The following COL11A1 variants were observed in gnomAD, a reference collection of about 807,000 sequenced individuals.
The protein encoded by COL11A1 is collagen type XI alpha 1 chain.
Under a neutral mutation model 265.2 loss-of-function variants are expected in COL11A1, and 74 were observed. That is an observed-to-expected ratio of 0.28 (90% CI 0.23 to 0.34). COL11A1 has a LOEUF of 0.34. Among genes scored for constraint, COL11A1 ranks in the 10% least tolerant of loss-of-function variants. The pLI is 1.00. For synonymous variants in COL11A1, 816 were observed against 727.6 expected (o/e 1.12, Z -1.96); for missense variants, 2,165 against 2,263.6 (o/e 0.96, Z 0.88).
chr1:103,025,742 A>G, intron 6 of COL11A1, 129 bp from the exon 7 acceptor site: 1 of 1,600,380 alleles, frequency 6.2e-7, no homozygotes, highest in Non-Finnish European at 8.6e-7. Context: ...ACTATGATTC[A>G]TGATCAGAGA....
intron 4 of COL11A1, among the ~76,000 whole-genome samples, chr1:103,039,180 A>T (rs754351854): frequency 2.0e-5 from 3 of 152,208 alleles, no homozygotes; most frequent in Non-Finnish European, 4.4e-5. Context: ...CCTGCAGACT[A>T]TCAGACTGCA....
intron 1 of COL11A1, among the ~76,000 whole-genome samples, chr1:103,089,306 TAGG>T (rs1174066904): frequency 2.0e-5 from 3 of 152,204 alleles, no homozygotes; most frequent in Admixed American, 6.5e-5. Flanking sequence ...TGACTTATTC[TAGG>T]AGATTTATTC....
At chr1:103,000,627 G>A (rs1665017005) in intron 24 of COL11A1, among the ~76,000 whole-genome samples, 1 of 151,876 alleles carries the variant, frequency 6.6e-6, no homozygotes, top group African/African-American at 2.4e-5. Flanking sequence ...GTGAGAATGT[G>A]CAGAAATGAC....
chr1:103,093,499 G>A (rs1673491974), intron 1 of COL11A1, among the ~76,000 whole-genome samples: 1 of 152,074 alleles, frequency 6.6e-6, no homozygotes, highest in South Asian at 2.1e-4. Context: ...AGGATTTAAG[G>A]TAAGAAGAAA....
chr1:103,028,896 A>G (rs1182786432), intron 5 of COL11A1, among the ~76,000 whole-genome samples: 2 of 152,146 alleles, frequency 1.3e-5, no homozygotes, highest in Non-Finnish European at 2.9e-5. Context: ...CTAATTTTTT[A>G]TAAGATAGGA....
chr1:102,924,036 C>T (rs1457001465), intron 46 of COL11A1, among the ~76,000 whole-genome samples: 3 of 145,174 alleles, frequency 2.1e-5, no homozygotes, highest in Non-Finnish European at 3.0e-5. Flanking sequence ...GGTGAAACCC[C>T]GTCTCAACTA....
rs115567435 is a variant in COL11A1 at position 102,936,749 on chromosome 1, G to A, written c.3439-1636C>T. 6.8e-3 allele frequency among the ~76,000 whole-genome samples: 1,034 copies of A among 152,240 alleles called. 3 individuals carry two copies. Among genetic ancestry groups the A allele is most frequent in the Non-Finnish European group, 0.01 (695 of 67,990 alleles). On this transcript the variant is annotated intron_variant, in intron 44 of 66. Coordinates refer to ENST00000370096, the MANE Select transcript of COL11A1 (RefSeq NM_001854.4). Reference sequence around the variant, plus strand: ...CATAGTCATCAACGTGCAAGATAGAGCAGTGGAATATAATGTAATAGCACA... The same window carrying A: ...CATAGTCATCAACGTGCAAGATAGAACAGTGGAATATAATGTAATAGCACA...
intron 53 of COL11A1, among the ~76,000 whole-genome samples, chr1:102,912,719 G>T (rs1424781339): frequency 6.6e-6 from 1 of 152,072 alleles, no homozygotes; most frequent in Non-Finnish European, 1.5e-5. Context: ...TCCTGAGAGG[G>T]ACCCAGTGGG....
At chr1:102,952,915 A>G (rs1242473776) in intron 41 of COL11A1, among the ~76,000 whole-genome samples, 1 of 152,206 alleles carries the variant, frequency 6.6e-6, no homozygotes, top group Non-Finnish European at 1.5e-5. Flanking sequence ...TTTAAGCCCA[A>G]TATGAAAAGA....
intron 54 of COL11A1, among the ~76,000 whole-genome samples, chr1:102,910,870 C>T (rs1654589412): frequency 6.7e-6 from 1 of 150,268 alleles, no homozygotes; most frequent in Admixed American, 6.6e-5. Flanking sequence ...CCATCTGAGG[C>T]CAGAAAAAAG....
At position 103,017,817 on chromosome 1, in the gene COL11A1, T is replaced by C; in HGVS notation, c.1413+3A>G. 6.2e-6 allele frequency: 10 copies of C among 1,610,996 alleles called. No homozygotes were observed. Among genetic ancestry groups the C allele is most frequent in the Non-Finnish European group, 8.5e-6 (10 of 1,177,254 alleles). ...TAATGAGATATCATGTCCATTCACT[T>C]ACCCTATCGCCAGGGTCACCAGGGG... On this transcript the variant is annotated splice_donor_region_variant and intron_variant, in intron 11 of 66. Transcript: ENST00000370096.
At chr1:102,912,840 T>C (rs1377938727) in intron 53 of COL11A1, among the ~76,000 whole-genome samples, 2 of 152,162 alleles carry the variant, frequency 1.3e-5, no homozygotes, top group East Asian at 3.9e-4. Flanking sequence ...CACTTTGCAC[T>C]CCTCTCTCCT....
intron 59 of COL11A1, 96 bp downstream of exon 59, chr1:102,889,359 C>A (rs955401830): frequency 6.1e-5 from 54 of 884,022 alleles, no homozygotes; most frequent in Non-Finnish European, 7.5e-5. Context: ...ACTCTAAATT[C>A]TTTCTTTGAT....
In COL11A1 at chr1:102,898,928, ATT is replaced by A. The variant is rs201645288; in HGVS notation, c.4140+11_4140+12del. 6.9e-5 allele frequency: 86 copies of A among 1,252,826 alleles called. No individual in the cohort carries two copies. Among genetic ancestry groups the A allele is most frequent in the South Asian group, 2.1e-4 (13 of 62,808 alleles). The allele number at this position is 1,252,826 out of a possible 1,614,324, so 77.6% of individuals were successfully genotyped here. ...ATATAATATATATTATGTATATATT[ATT>A]TTTTTTTTACCTTAGCACCTTTTTC... On this transcript the variant is annotated intron_variant, in intron 55 of 66. Transcript: ENST00000370096.
At chr1:103,036,340 A>G (rs2102022022) in intron 4 of COL11A1, among the ~76,000 whole-genome samples, 1 of 139,836 alleles carries the variant, frequency 7.2e-6, no homozygotes, top group African/African-American at 2.6e-5. Context: ...ATATATATAT[A>G]TATATATATA....
intron 35 of COL11A1, among the ~76,000 whole-genome samples, chr1:102,976,854 T>G (rs1662542761): frequency 6.6e-6 from 1 of 152,170 alleles, no homozygotes; most frequent in African/African-American, 2.4e-5. Flanking sequence ...TCCATTTTTG[T>G]TTTGTTTTCA....
At chr1:103,051,613 G>C (rs921166342) in intron 4 of COL11A1, among the ~76,000 whole-genome samples, 1 of 152,104 alleles carries the variant, frequency 6.6e-6, no homozygotes, top group African/African-American at 2.4e-5. Flanking sequence ...CCACTGTCCT[G>C]CACCCACTGT....
At chr1:103,040,012 AT>A in intron 4 of COL11A1, among the ~76,000 whole-genome samples, 1 of 152,104 alleles carries the variant, frequency 6.6e-6, no homozygotes, top group Non-Finnish European at 1.5e-5. Flanking sequence ...AAAATAAGAA[AT>A]GTAAAAAAGC....
At chr1:103,008,653 C>G (rs1201844604) in intron 14 of COL11A1, 137 bp from the exon 15 acceptor site, 1 of 799,216 alleles carries the variant, frequency 1.3e-6, no homozygotes, top group African/African-American at 1.8e-5. Context: ...TTAATTAACA[C>G]AGTAAAATTT....
Sources: allele counts gnomAD v4.1 joint callset (sites outside exome capture counted in the v4.1 genomes callset), GRCh38; gene constraint gnomAD v4.1.1; transcripts MANE v1.5; gene names NCBI Gene and HGNC (gene_info 2026-07-23, HGNC 2026-07-21).